The following AP1G1 variants were observed in gnomAD, a reference collection of about 807,000 sequenced individuals.
The protein encoded by AP1G1 is AP-1 complex subunit gamma-1.
A neutral mutation model predicts 108.3 loss-of-function variants in AP1G1; 7 were observed. The ratio of observed to expected loss-of-function variants is 0.06; its 90% confidence interval spans 0.04 to 0.12. AP1G1 has a LOEUF of 0.12. Ranked by LOEUF, AP1G1 falls within the 10% of genes least tolerant of loss-of-function variation. The probability of loss-of-function intolerance (pLI) is 1.00; values close to 1 mark genes in which losing one functional copy is unlikely to be tolerated. For synonymous variants in AP1G1, 379 were observed against 353.5 expected (o/e 1.07, Z -0.81); for missense variants, 756 against 1,010.7 (o/e 0.75, Z 3.42).
At chr16:71,803,893 C>T (rs945962978) in intron 1 of AP1G1, among the ~76,000 whole-genome samples, 33 of 143,214 alleles carry the variant, frequency 2.3e-4, no homozygotes, top group Admixed American at 2.3e-3. Context: ...CGATGCACTC[C>T]AGCCTGGGCA....
chr16:71,789,258 T>G, intron 2 of AP1G1, 21 bp downstream of exon 2: 1 of 1,602,292 alleles, frequency 6.2e-7, no homozygotes, highest in South Asian at 1.1e-5. Context: ...CCTTGCTACA[T>G]GTAGTCTCAG....
chr16:71,774,195 T>C, intron 3 of AP1G1: 2 of 315,136 alleles, frequency 6.3e-6, no homozygotes, highest in Non-Finnish European at 1.2e-5. Flanking sequence ...CTGGCCAACA[T>C]GGTGAAACCC....
Position 71,753,865 on chromosome 16 carries a change from G to A in AP1G1, c.1252C>T (p.His418Tyr), listed in dbSNP as rs2030633878. 1.2e-6 allele frequency: 2 copies of A among 1,613,862 alleles called. No homozygotes were observed. Among genetic ancestry groups the A allele is most frequent in the Non-Finnish European group, 1.7e-6 (2 of 1,179,940 alleles). Residue 418 changes from histidine (H) to tyrosine (Y), a missense_variant, in exon 13 of 23, where the codon CAT becomes TAT. Physicochemically the swap from His to Tyr is moderately conservative, Grantham distance 83. Transcript: ENST00000299980. ...AAAACACGCATAATTGTGTCTATAT[G>A]CCATCGTTTGGAAGGTGCATACCTG... ...AEKYAPSKRW[H>Y]IDTIMRVLTT...
chr16:71,789,509 G>A, intron 1 of AP1G1, 27 bp from the exon 2 acceptor site: 5 of 1,598,884 alleles, frequency 3.1e-6, no homozygotes, highest in Non-Finnish European at 4.3e-6. Context: ...ATTAAATAGA[G>A]ATGTTCACAT....
At chr16:71,808,345 T>C (rs1427217922) in intron 1 of AP1G1, 1 of 795,484 alleles carries the variant, frequency 1.3e-6, no homozygotes, top group African/African-American at 1.8e-5. Context: ...TGCTGGGAGT[T>C]ATCTGACAGA....
rs112663345 is a variant in AP1G1 at position 71,750,467 on chromosome 16, T to A, written c.1285-135A>T. 734 of 1,072,758 alleles carry A rather than the reference T, an allele frequency of 6.8e-4. 5 individuals are homozygous for A. The African/African-American group carries it at 8.2e-3, about 12-fold the overall frequency. 66.5% of individuals were successfully genotyped at this position (1,072,758 alleles called of 1,614,324 possible). On this transcript the variant is annotated intron_variant, in intron 13 of 22. Coordinates refer to ENST00000299980, the MANE Select transcript of AP1G1 (RefSeq NM_001128.6). ...TCTCGCTCTGTCACCCAGGCTGGAG[T>A]GCGATAGCGCGATCTTGGCTCACTG...
intron 17 of AP1G1, 134 bp from the exon 18 acceptor site, chr16:71,745,748 G>T (rs2030139889): frequency 1.3e-6 from 1 of 775,788 alleles, no homozygotes; most frequent in Non-Finnish European, 2.1e-6. Context: ...CACTAAAATA[G>T]AAGGTAGATT....
At chr16:71,739,585 CA>C (rs934451623) in intron 19 of AP1G1, among the ~76,000 whole-genome samples, 2 of 149,356 alleles carry the variant, frequency 1.3e-5, no homozygotes, top group Non-Finnish European at 1.5e-5. Context: ...CCTGTCTCTA[CA>C]AAAAAAAATA....
intron 4 of AP1G1, among the ~76,000 whole-genome samples, chr16:71,772,760 A>G (rs1333570304): frequency 1.3e-5 from 2 of 152,234 alleles, no homozygotes. Context: ...TAAAATGCTT[A>G]TATCAACAAA....
At chr16:71,804,234 G>C (rs1225148270) in intron 1 of AP1G1, among the ~76,000 whole-genome samples, 1 of 151,548 alleles carries the variant, frequency 6.6e-6, no homozygotes, top group Non-Finnish European at 1.5e-5. Context: ...TTTTTGTAGA[G>C]ATGGGGTTTA....
intron 15 of AP1G1, among the ~76,000 whole-genome samples, chr16:71,749,664 T>C (rs1304291402): frequency 6.6e-6 from 1 of 152,148 alleles, no homozygotes; most frequent in Admixed American, 6.5e-5. Context: ...CTAATATTTG[T>C]GTCTTTTGTA....
intron 9 of AP1G1, among the ~76,000 whole-genome samples, chr16:71,762,833 T>C (rs1277672439): frequency 6.7e-6 from 1 of 149,760 alleles, no homozygotes; most frequent in East Asian, 1.9e-4. Context: ...GAGGGGGTTG[T>C]GGGAACCCTG....
rs2045460173 is a variant in AP1G1, at chr16:71,729,685, G to C, written c.*3373C>G. ...AGTGTTTTAAACTTCAGGACTTTCTGTGCAATTCTCTCTCCAATGATCCTA... is the reference window on the plus strand; with the variant it reads ...AGTGTTTTAAACTTCAGGACTTTCTCTGCAATTCTCTCTCCAATGATCCTA... On this transcript the variant is annotated 3_prime_UTR_variant, in exon 23 of 23. Coordinates refer to ENST00000299980, the MANE Select transcript of AP1G1 (RefSeq NM_001128.6). 1 of 152,582 alleles carries C rather than the reference G, an allele frequency of 6.6e-6. No individual in the cohort carries two copies. Among genetic ancestry groups the C allele is most frequent in the Non-Finnish European group, 1.5e-5 (1 of 68,038 alleles). The allele number at this position is 152,582 out of a possible 1,614,324, so 9.5% of individuals were successfully genotyped here. A position where few individuals can be genotyped will look rare whatever the true frequency, so the allele number is the denominator to read the frequency against.
chr16:71,750,805 CAA>C (rs952880268), intron 13 of AP1G1, among the ~76,000 whole-genome samples: 2 of 152,036 alleles, frequency 1.3e-5, no homozygotes, highest in African/African-American at 4.8e-5. Context: ...GCTCAAACTT[CAA>C]AGTCTTATTT....
Position 71,743,894 on chromosome 16 carries a change from C to G in AP1G1, c.1999+1250G>C, listed in dbSNP as rs1353251655. 2.7e-4 allele frequency among the ~76,000 whole-genome samples: 39 copies of G among 145,558 alleles called. 2 individuals carry two copies. Among genetic ancestry groups the G allele is most frequent in the Non-Finnish European group, 3.0e-5 (2 of 67,112 alleles). On this transcript the variant is annotated intron_variant, in intron 19 of 22. Transcript: ENST00000299980. ...CCAGGTTGCAGAGGCTGCAGTGAGC[C>G]GAGATCATGCTACTGCACTCCAGCC... is the stretch of plus-strand genomic sequence containing the variant.
chr16:71,746,738 C>T lies in AP1G1; in HGVS notation c.1626-46G>A, dbSNP rs762454808. 6 of 1,411,224 alleles carry T rather than the reference C, an allele frequency of 4.3e-6. No homozygotes were observed. The Admixed American group carries it at 1.0e-4, about 24-fold the overall frequency. 87.4% of individuals were successfully genotyped at this position (1,411,224 alleles called of 1,614,324 possible). On this transcript the variant is annotated intron_variant, in intron 16 of 22. Coordinates refer to ENST00000299980, the MANE Select transcript of AP1G1 (RefSeq NM_001128.6). ...GAAATAAAATACCCAAAAGAAAATTCACAAATAAGCAGAGATAATGTTTAA... is the reference window on the plus strand; with the variant it reads ...GAAATAAAATACCCAAAAGAAAATTTACAAATAAGCAGAGATAATGTTTAA...
intron 11 of AP1G1, among the ~76,000 whole-genome samples, chr16:71,756,846 G>A (rs191986113): frequency 6.6e-5 from 10 of 150,630 alleles, no homozygotes; most frequent in Admixed American, 5.3e-4. Flanking sequence ...GGAGGCTGAG[G>A]TAGGAGAATT....
chr16:71,777,572 G>C (rs566310644), intron 2 of AP1G1: 1 of 371,674 alleles, frequency 2.7e-6, no homozygotes, highest in African/African-American at 2.1e-5. Flanking sequence ...GGCCGAGAGA[G>C]GCCTCCCATC....
intron 19 of AP1G1, 143 bp from the exon 20 acceptor site, chr16:71,739,484 G>C (rs2045590784): frequency 1.6e-6 from 1 of 615,558 alleles, no homozygotes; most frequent in Admixed American, 3.8e-5. Context: ...CAAAGAGAAA[G>C]AACTAAAAAC....
Sources: allele counts gnomAD v4.1 joint callset (sites outside exome capture counted in the v4.1 genomes callset), GRCh38; gene constraint gnomAD v4.1.1; transcripts MANE v1.5; gene names NCBI Gene and HGNC (gene_info 2026-07-23, HGNC 2026-07-21).